METTL22: variants seen among roughly 807,000 people sequenced by gnomAD.
METTL22 encodes the protein methyltransferase-like protein 22.
A neutral mutation model predicts 48.4 loss-of-function variants in METTL22; 51 were observed. The ratio of observed to expected loss-of-function variants is 1.05; its 90% confidence interval spans 0.84 to 1.33. The LOEUF (loss-of-function observed/expected upper bound fraction) is 1.33. Ranked by LOEUF, METTL22 falls within the 40% of genes most tolerant of loss-of-function variation. METTL22 has a pLI of 0.00. For missense variants in METTL22, 678 were observed against 526.9 expected, an observed-to-expected ratio of 1.29 and a Z score of -2.81; for synonymous variants, 255 against 214.1, an observed-to-expected ratio of 1.19 and a Z score of -1.67.
At chr16:8,641,607 G>T in intron 7 of METTL22, 1 of 409,714 alleles carries the variant, frequency 2.4e-6, no homozygotes, top group Non-Finnish European at 4.7e-6. Flanking sequence ...GACTACTTCA[G>T]ACCTGGGTGC....
intron 3 of METTL22, among the ~76,000 whole-genome samples, chr16:8,630,560 C>T (rs1001435725): frequency 6.6e-6 from 1 of 152,122 alleles, no homozygotes; most frequent in African/African-American, 2.4e-5. Context: ...GGCTCATTTC[C>T]CTCTGAGCCC....
At chr16:8,652,763 C>T (rs1641090), downstream of METTL22, among the ~76,000 whole-genome samples, 150,311 of 152,208 alleles carry the variant, frequency 0.99, 74,252 homozygotes, top group Middle Eastern at 1. Context: ...ATGTGAGTGA[C>T]TGTGATGGAA....
At chr16:8,622,835 C>A (rs970864638) in intron 1 of METTL22, among the ~76,000 whole-genome samples, 4 of 152,154 alleles carry the variant, frequency 2.6e-5, no homozygotes, top group Admixed American at 2.6e-4. Context: ...CTGGAACTTA[C>A]ATTGCAGCGT....
chr16:8,660,859 A>G, the METTL22 span, among the ~76,000 whole-genome samples: 183 of 1,526 alleles, frequency 0.12, 3 homozygotes, highest in Non-Finnish European at 0.14. Context: ...GGGAGGAGGA[A>G]GAGGAGGAGG....
At chr16:8,644,061 C>T (rs1413112258) in intron 9 of METTL22, among the ~76,000 whole-genome samples, 3 of 152,142 alleles carry the variant, frequency 2.0e-5, no homozygotes, top group African/African-American at 7.2e-5. Context: ...GGTTGGGAGA[C>T]CTGTTTCTGA....
In METTL22 at chr16:8,635,290, G is replaced by C. The variant is rs560979151; in HGVS notation, c.678G>C (p.Met226Ile). ...TGLASIIAAT[M>I]ARTVYCTDVG... is the part of the protein sequence containing the mutation. Reference sequence around the variant, plus strand: ...TCGCTAGCATCATCGCAGCCACCATGGCACGGACCGTTTATTGTACAGGTA... The same window carrying C: ...TCGCTAGCATCATCGCAGCCACCATCGCACGGACCGTTTATTGTACAGGTA... Residue 226 changes from methionine (M) to isoleucine (I), a missense_variant, in exon 5 of 11, where the codon ATG becomes ATC. Coordinates refer to ENST00000381920, the MANE Select transcript of METTL22 (RefSeq NM_024109.4). The C allele has an allele frequency of 1.5e-5, 24 of 1,588,634 alleles. No individual in the cohort carries two copies. In the South Asian group the frequency reaches 2.5e-4, roughly 16 times the overall value.
chr16:8,661,478 C>G, the METTL22 span, among the ~76,000 whole-genome samples: 98,066 of 134,810 alleles, frequency 0.73, 39,200 homozygotes, highest in East Asian at 0.98. Flanking sequence ...AACCCCGTCT[C>G]TACTAAAAAC....
chr16:8,635,399 G>A, intron 5 of METTL22, 87 bp downstream of exon 5: 2 of 1,434,014 alleles, frequency 1.4e-6, no homozygotes, highest in Non-Finnish European at 1.8e-6. Flanking sequence ...CAGAGGCACT[G>A]GAAATTGGAT....
chr16:8,635,060 T>C lies in METTL22; in HGVS notation c.536T>C (p.Leu179Pro), dbSNP rs1015314124. 1.4e-5 allele frequency: 22 copies of C among 1,613,708 alleles called. No individual in the cohort carries two copies. Among genetic ancestry groups the C allele is most frequent in the Non-Finnish European group, 1.7e-5 (20 of 1,180,038 alleles). Residue 179 changes from leucine to proline, a missense_variant, in exon 4 of 11, where the codon CTG becomes CCG. Physicochemically the swap from Leu to Pro is moderately conservative, Grantham distance 98 (BLOSUM62 -3). Transcript: ENST00000381920. ...IRIEHTMATP[L>P]EDVGKQVWRG... ...CCAGAGCACACCATGGCCACGCCCC[T>C]GGAGGATGTTGGCAAGCAGGTGGGT...
At chr16:8,663,961 C>T in the METTL22 span, among the ~76,000 whole-genome samples, 1 of 152,286 alleles carries the variant, frequency 6.6e-6, no homozygotes, top group Non-Finnish European at 1.5e-5. Context: ...CTCCCTGTCT[C>T]CCACCCCCGA....
chr16:8,639,884 G>GCC (rs879830265), intron 6 of METTL22, among the ~76,000 whole-genome samples: 33 of 151,180 alleles, frequency 2.2e-4, no homozygotes, highest in African/African-American at 7.0e-4. Context: ...TGTCTGCAGC[G>GCC]CCCCCCACCA....
At chr16:8,622,852 C>T (rs1424680255) in intron 1 of METTL22, among the ~76,000 whole-genome samples, 1 of 152,158 alleles carries the variant, frequency 6.6e-6, no homozygotes, top group East Asian at 1.9e-4. Flanking sequence ...GCGTACATTT[C>T]TTGGGAAGCC....
chr16:8,641,989 C>T, intron 7 of METTL22, 138 bp from the exon 8 acceptor site: 2 of 684,306 alleles, frequency 2.9e-6, no homozygotes, highest in Non-Finnish European at 2.7e-6. Flanking sequence ...GGAGTCTGGT[C>T]TGCCTGGTGG....
In METTL22 at chr16:8,646,361, C is replaced by T. The variant is rs1435178747; in HGVS notation, c.*218C>T. Reference sequence around the variant, plus strand: ...TGTGGGCTGGAGGTCACTTTAGTTGCCTGTTTCTCATGGTTGTGATGTGTG... The same window carrying T: ...TGTGGGCTGGAGGTCACTTTAGTTGTCTGTTTCTCATGGTTGTGATGTGTG... On this transcript the variant is annotated 3_prime_UTR_variant, in exon 11 of 11. Coordinates refer to ENST00000381920, the MANE Select transcript of METTL22 (RefSeq NM_024109.4). 1.4e-6 allele frequency: 1 copy of T among 712,566 alleles called. No homozygotes were observed. Among genetic ancestry groups the T allele is most frequent in the South Asian group, 1.5e-5 (1 of 66,990 alleles). The allele number at this position is 712,566 out of a possible 1,614,324, so 44.1% of individuals were successfully genotyped here. A position where few individuals can be genotyped will look rare whatever the true frequency, so the allele number is the denominator to read the frequency against.
At chr16:8,637,239 T>C (rs2141758450) in intron 5 of METTL22, among the ~76,000 whole-genome samples, 1 of 152,328 alleles carries the variant, frequency 6.6e-6, no homozygotes, top group Admixed American at 6.5e-5. Flanking sequence ...CACCAGTCCC[T>C]GAGGCACTGT....
At position 8,646,694 on chromosome 16, in the gene METTL22, A is replaced by C. The variant is rs1488432263; in HGVS notation, c.*551A>C. 2 of 456,288 alleles carry C rather than the reference A, an allele frequency of 4.4e-6. No individual in the cohort carries two copies. The highest frequency in any genetic ancestry group is 4.0e-5 in the African/African-American group (2 of 50,024). 28.3% of individuals were successfully genotyped at this position (456,288 alleles called of 1,614,324 possible). On this transcript the variant is annotated 3_prime_UTR_variant, in exon 11 of 11. Transcript: ENST00000381920. ...TGGACTGGCATTGGCCTTTGTATTTAATTTTAACTCTTTATCACCCAAATC... is the reference window on the plus strand; with the variant it reads ...TGGACTGGCATTGGCCTTTGTATTTCATTTTAACTCTTTATCACCCAAATC...
rs527427511 is a variant in METTL22 at position 8,648,934 on chromosome 16, T to C, written c.*2791T>C. 1 of 152,362 alleles carries C rather than the reference T, an allele frequency of 6.6e-6. No homozygotes were observed. Among genetic ancestry groups the C allele is most frequent in the African/African-American group, 2.4e-5 (1 of 41,576 alleles). The allele number at this position is 152,362 out of a possible 1,614,324, so 9.4% of individuals were successfully genotyped here. ...CTCAACCTATTGCTGTTTTCTAAAATTCCTACACAAACTCCGTTCCTGACA... is the reference window on the plus strand; with the variant it reads ...CTCAACCTATTGCTGTTTTCTAAAACTCCTACACAAACTCCGTTCCTGACA... On this transcript the variant is annotated 3_prime_UTR_variant, in exon 11 of 11. Transcript: ENST00000381920.
At chr16:8,658,335 C>G in the METTL22 span, among the ~76,000 whole-genome samples, 1 of 152,226 alleles carries the variant, frequency 6.6e-6, no homozygotes, top group African/African-American at 2.4e-5. Context: ...CTGAAATAAT[C>G]CATTTCCACT....
In METTL22 at chr16:8,633,629, G is replaced by A. The variant is rs546320383; in HGVS notation, c.515-1410G>A. Among the ~76,000 whole-genome samples the A allele has an allele frequency of 5.9e-5, 9 of 152,262 alleles. No homozygotes were observed. The South Asian group carries it at 1.9e-3, about 32-fold the overall frequency. On this transcript the variant is annotated intron_variant, in intron 3 of 10. Transcript: ENST00000381920. The stretch of plus-strand genomic sequence containing the variant: ...TCAAAACAGAAAGAGACAGAAAACT[G>A]CAGATGACCTGACTTGGAACCCCGC...
Sources: gnomAD v4.1 joint callset for allele counts (sites outside exome capture counted in the v4.1 genomes callset) on GRCh38, gnomAD v4.1.1 for gene constraint, MANE v1.5 for transcripts, NCBI Gene and HGNC (gene_info 2026-07-23, HGNC 2026-07-21) for gene names.